Variants in FAM53A observed in about 807,000 individuals in gnomAD.
FAM53A encodes protein FAM53A.
A neutral mutation model predicts 26.6 loss-of-function variants in FAM53A; 28 were observed. That is an observed-to-expected ratio of 1.05 (90% CI 0.78 to 1.45). The LOEUF (loss-of-function observed/expected upper bound fraction) is 1.45, where lower values mean the gene tolerates loss of function less well. Ranked by LOEUF, FAM53A falls within the 40% of genes most tolerant of loss-of-function variation. The pLI, the probability that FAM53A is intolerant of heterozygous loss-of-function variation, is 0.00. For synonymous variants in FAM53A, 290 were observed against 253.1 expected (o/e 1.15, Z -1.38); for missense variants, 650 against 575.8 (o/e 1.13, Z -1.32).
Position 1,655,504 on chromosome 4 carries a change from C to T in FAM53A, c.356G>A (p.Arg119Gln), listed in dbSNP as rs747595950. 3 of 1,573,180 alleles carry T rather than the reference C, an allele frequency of 1.9e-6. No homozygotes were observed. Among genetic ancestry groups the T allele is most frequent in the East Asian group, 2.3e-5 (1 of 42,946 alleles). The change falls in exon 4 of 5, where the codon CGG (arginine) becomes CAG (glutamine). Residue 119 changes from arginine (R) to glutamine (Q), a missense_variant. Coordinates refer to ENST00000308132, the MANE Select transcript of FAM53A (RefSeq NM_001174070.3). ...TGSSTAPPTKRHCRSLSEPEE... is the reference protein window; with the variant it reads ...TGSSTAPPTKQHCRSLSEPEE... ...GGGTTCTGACAAGGACCGGCAATGC[C>T]GCTTGGTCGGTGGGGCCGTGGACGA...
rs1188069310 is a variant in FAM53A, at chr4:1,640,795, C to T, written c.*498G>A. On this transcript the variant is annotated 3_prime_UTR_variant, in exon 5 of 5. Transcript: ENST00000308132. ...GGCAGCCATGGCCCCGACCAGCTCA[C>T]AGGAAACCTACTCTGTGCCCCGGGG... 2 of 401,198 alleles carry T rather than the reference C, an allele frequency of 5.0e-6. No individual in the cohort carries two copies. Among genetic ancestry groups the T allele is most frequent in the Non-Finnish European group, 9.6e-6 (2 of 209,344 alleles). 24.9% of individuals were successfully genotyped at this position (401,198 alleles called of 1,614,324 possible).
At chr4:1,623,185 C>T (rs1218216089) in intron 1 of FAM53A, among the ~76,000 whole-genome samples, 1 of 152,238 alleles carries the variant, frequency 6.6e-6, no homozygotes. Context: ...CTGGCATGCC[C>T]GCTCCAGGAC....
chr4:1,672,093 CGAACCCAGGAACCCACAGATCCAG>C lies in FAM53A; in HGVS notation c.-164-3212_-164-3189del, dbSNP rs1714706306. 2.1e-5 allele frequency among the ~76,000 whole-genome samples: 3 copies of C among 142,580 alleles called. No homozygotes were observed. In the East Asian group the frequency reaches 6.0e-4, roughly 29 times the overall value. The allele number at this position is 142,580 out of a possible 152,430, so 93.5% of individuals were successfully genotyped here. Reference sequence around the variant, plus strand: ...CACAGACCCAGAACCCACGAACCCACGAACCCAGGAACCCACAGATCCAGGAACCCAGGGACCTAGGGACCCAAA... The same window carrying C: ...CACAGACCCAGAACCCACGAACCCACGAACCCAGGGACCTAGGGACCCAAA... On this transcript the variant is annotated intron_variant, in intron 1 of 4. Coordinates refer to ENST00000308132, the MANE Select transcript of FAM53A (RefSeq NM_001174070.3).
At chr4:1,588,489 C>G in the FAM53A span, among the ~76,000 whole-genome samples, 1 of 152,142 alleles carries the variant, frequency 6.6e-6, no homozygotes, top group African/African-American at 2.4e-5. Flanking sequence ...TGCTGGCTTC[C>G]AGGTCACTTG....
chr4:1,604,326 G>A, the FAM53A span, among the ~76,000 whole-genome samples: 3 of 152,208 alleles, frequency 2.0e-5, no homozygotes, highest in Non-Finnish European at 4.4e-5. Flanking sequence ...CTCAGGCGGG[G>A]TGTAGGCGGT....
At chr4:1,593,726 G>A in the FAM53A span, among the ~76,000 whole-genome samples, 8 of 152,080 alleles carry the variant, frequency 5.3e-5, no homozygotes, top group Non-Finnish European at 7.4e-5. Flanking sequence ...TGGAGTGGCC[G>A]CGGGAGACTG....
At chr4:1,677,717 C>T (rs1204243971) in intron 1 of FAM53A, among the ~76,000 whole-genome samples, 2 of 152,158 alleles carry the variant, frequency 1.3e-5, no homozygotes, top group African/African-American at 4.8e-5. Flanking sequence ...CGTGTCCTCC[C>T]TTCAGATGGC....
intron 4 of FAM53A, among the ~76,000 whole-genome samples, chr4:1,651,928 C>T (rs1712825126): frequency 6.6e-6 from 1 of 151,674 alleles, no homozygotes; most frequent in African/African-American, 2.4e-5. Context: ...CAGAGAGAAA[C>T]CAGGCACCCA....
chr4:1,630,648 C>G lies in FAM53A; in HGVS notation c.432-12537G>C, dbSNP rs1159880035. Among the ~76,000 whole-genome samples, 1 of 152,144 alleles carries G rather than the reference C, an allele frequency of 6.6e-6. No homozygotes were observed. Among genetic ancestry groups the G allele is most frequent in the Non-Finnish European group, 1.5e-5 (1 of 68,030 alleles). ...ACAGGCCAGGAGCCTGCTCTAAACACCATCGTGGAAGCCAGACAGAAAAGG... is the reference window on the plus strand; with the variant it reads ...ACAGGCCAGGAGCCTGCTCTAAACAGCATCGTGGAAGCCAGACAGAAAAGG... On this transcript the variant is annotated intron_variant, in intron 1 of 1. Coordinates refer to the FAM53A transcript ENST00000489029. The surrounding 1 kb of genome is among the most constrained non-coding windows in gnomAD (Gnocchi z 4.3).
intron 1 of FAM53A, among the ~76,000 whole-genome samples, chr4:1,625,208 C>T (rs1480592731): frequency 2.9e-5 from 1 of 34,576 alleles, no homozygotes; most frequent in Non-Finnish European, 4.9e-5. Context: ...GAAGGCCCCA[C>T]GTCCCAGCCC....
Position 1,619,474 on chromosome 4 carries a change from G to A in FAM53A, c.432-1363C>T, listed in dbSNP as rs1031576912. Among the ~76,000 whole-genome samples, 14 of 152,330 alleles carry A rather than the reference G, an allele frequency of 9.2e-5. 1 individual carries two copies. Among genetic ancestry groups the A allele is most frequent in the South Asian group, 2.1e-4 (1 of 4,812 alleles). On this transcript the variant is annotated intron_variant, in intron 1 of 1. Transcript: ENST00000489029. ...GGGTTGGCCCACTTCAGGACTGGCC[G>A]GCCTTCCCGCCCTGTTCCCAGACTC...
the FAM53A span, among the ~76,000 whole-genome samples, chr4:1,581,663 C>G: frequency 1.2e-4 from 19 of 152,316 alleles, no homozygotes; most frequent in African/African-American, 3.6e-4. Flanking sequence ...ATGGGGCAGT[C>G]TTGGCTCACT....
At chr4:1,623,186 G>A (rs1048378307) in intron 1 of FAM53A, among the ~76,000 whole-genome samples, 4 of 152,328 alleles carry the variant, frequency 2.6e-5, no homozygotes, top group East Asian at 1.9e-4. Flanking sequence ...TGGCATGCCC[G>A]CTCCAGGACG....
chr4:1,592,934 C>G, the FAM53A span, among the ~76,000 whole-genome samples: 1 of 152,136 alleles, frequency 6.6e-6, no homozygotes, highest in Non-Finnish European at 1.5e-5. Context: ...GGCCCGGGGC[C>G]GCTCACACCC....
chr4:1,660,825 G>A (rs1277748520), intron 2 of FAM53A, among the ~76,000 whole-genome samples: 1 of 151,922 alleles, frequency 6.6e-6, no homozygotes, highest in East Asian at 1.9e-4. Flanking sequence ...AGCTTGCAGT[G>A]AGCGGAGATC....
Position 1,668,919 on chromosome 4 carries a change from G to C in FAM53A, c.-164-14C>G, listed in dbSNP as rs1055435687. 3.5e-6 allele frequency: 2 copies of C among 567,900 alleles called. No individual in the cohort carries two copies. The highest frequency in any genetic ancestry group is 6.8e-5 in the Admixed American group (2 of 29,484). The allele number at this position is 567,900 out of a possible 1,614,324, so 35.2% of individuals were successfully genotyped here. Reference sequence around the variant, plus strand: ...CAGGATTTGTGCCTGTTTCTCAGAAGAGAGAAATCATCATGTGATTATACG... The same window carrying C: ...CAGGATTTGTGCCTGTTTCTCAGAACAGAGAAATCATCATGTGATTATACG... On this transcript the variant is annotated splice_polypyrimidine_tract_variant and intron_variant, in intron 1 of 4. Transcript: ENST00000308132.
intron 1 of FAM53A, among the ~76,000 whole-genome samples, chr4:1,621,777 C>T (rs569108940): frequency 6.6e-6 from 1 of 152,244 alleles, no homozygotes; most frequent in Non-Finnish European, 1.5e-5. Context: ...GCAGGCTGAA[C>T]GTCTGGCCCG....
chr4:1,673,325 T>C (rs1392348644), intron 1 of FAM53A, among the ~76,000 whole-genome samples: 3 of 152,224 alleles, frequency 2.0e-5, no homozygotes, highest in Non-Finnish European at 2.9e-5. Flanking sequence ...CACTCCTGGC[T>C]GTGACTACTG....
chr4:1,604,425 G>A, the FAM53A span, among the ~76,000 whole-genome samples: 1 of 152,174 alleles, frequency 6.6e-6, no homozygotes. Context: ...ACAGGAACGT[G>A]GAGGGTCCCG....
Sources: allele counts gnomAD v4.1 joint callset (sites outside exome capture counted in the v4.1 genomes callset), GRCh38; gene constraint gnomAD v4.1.1; non-coding constraint Gnocchi (gnomAD v3.1); transcripts MANE v1.5; gene names NCBI Gene and HGNC (gene_info 2026-07-23, HGNC 2026-07-21).